Variants in POLB observed in about 807,000 individuals in gnomAD.
POLB encodes the protein DNA polymerase beta.
A neutral mutation model predicts 52.7 loss-of-function variants in POLB; 37 were observed. The ratio of observed to expected loss-of-function variants is 0.70; its 90% CI spans 0.54 to 0.92. The LOEUF is 0.92. POLB is among the 40% of genes least tolerant of loss of function. POLB has a pLI of 0.00. For missense variants in POLB, 313 were observed against 400.8 expected (o/e 0.78, Z 1.87); for synonymous variants, 138 against 131.3 (o/e 1.05, Z -0.35).
intron 5 of POLB, 34 bp from the exon 6 acceptor site, chr8:42,352,485 A>C (rs772091684): frequency 6.9e-7 from 1 of 1,456,652 alleles, no homozygotes; most frequent in South Asian, 1.1e-5. Flanking sequence ...CCCAAGTTTC[A>C]CCCAATGTTG....
At chr8:42,349,131 G>A (rs756806584) in intron 4 of POLB, 41 bp downstream of exon 4, 1 of 1,089,684 alleles carries the variant, frequency 9.2e-7, no homozygotes, top group South Asian at 1.3e-5. Flanking sequence ...TATAGTATCT[G>A]CCTTTATGGC....
At chr8:42,356,725 C>T (rs1823340300) in intron 7 of POLB, among the ~76,000 whole-genome samples, 7 of 152,104 alleles carry the variant, frequency 4.6e-5, no homozygotes, top group Admixed American at 4.6e-4. Context: ...TGACTGACTT[C>T]TTCCACTTAG....
At position 42,349,989 on chromosome 8, in the gene POLB, CT is replaced by C. The variant is rs748183535; in HGVS notation, c.262-8del. 7.1e-4 allele frequency: 1,013 copies of C among 1,417,854 alleles called. No homozygotes were observed. The highest frequency in any genetic ancestry group is 8.7e-4 in the Non-Finnish European group (892 of 1,023,608). The allele number at this position is 1,417,854 out of a possible 1,614,324, so 87.8% of individuals were successfully genotyped here. A position where few individuals can be genotyped will look rare whatever the true frequency, so the allele number is the denominator to read the frequency against. On this transcript the variant is annotated splice_polypyrimidine_tract_variant and intron_variant, in intron 4 of 13. Coordinates refer to ENST00000265421, the MANE Select transcript of POLB (RefSeq NM_002690.3). ...AAAGCATTCCTAAATCATTGTTAGACTTTTTTTTTTCTTAAAGATTCGGCAG... is the reference window on the plus strand; with the variant it reads ...AAAGCATTCCTAAATCATTGTTAGACTTTTTTTTTCTTAAAGATTCGGCAG...
At chr8:42,340,949 G>A (rs769096022) in intron 2 of POLB, among the ~76,000 whole-genome samples, 90 of 152,198 alleles carry the variant, frequency 5.9e-4, no homozygotes, top group Non-Finnish European at 7.9e-4. Context: ...GAAGCTCATC[G>A]GGATAAGTGA....
At chr8:42,349,836 C>G (rs897459348) in intron 4 of POLB, among the ~76,000 whole-genome samples, 171 bp from the exon 5 acceptor site, 2 of 152,152 alleles carry the variant, frequency 1.3e-5, no homozygotes, top group Non-Finnish European at 1.5e-5. Context: ...TTCAGTTACT[C>G]TGTTATTCAC....
At chr8:42,341,803 G>A in intron 2 of POLB, 1 of 511,140 alleles carries the variant, frequency 2.0e-6, no homozygotes, top group Non-Finnish European at 3.7e-6. Flanking sequence ...CCGTGGGGAA[G>A]CTTGCCTTCT....
intron 3 of POLB, among the ~76,000 whole-genome samples, chr8:42,345,731 A>G (rs1032160658): frequency 6.6e-6 from 1 of 152,116 alleles, no homozygotes; most frequent in Non-Finnish European, 1.5e-5. Flanking sequence ...CAGATTTTGG[A>G]CATTCTGGAA....
chr8:42,345,580 T>C (rs929437198), intron 3 of POLB, among the ~76,000 whole-genome samples: 23 of 152,346 alleles, frequency 1.5e-4, no homozygotes, highest in African/African-American at 5.1e-4. Flanking sequence ...TCTGAAATGC[T>C]TGGGAACAGA....
At chr8:42,368,001 C>T (rs1824148650) in intron 11 of POLB, among the ~76,000 whole-genome samples, 1 of 152,112 alleles carries the variant, frequency 6.6e-6, no homozygotes, top group Admixed American at 6.6e-5. Context: ...TATGAAGCTA[C>T]CCAAATGAAA....
chr8:42,367,214 T>C (rs1371278346), intron 11 of POLB, among the ~76,000 whole-genome samples: 1 of 152,140 alleles, frequency 6.6e-6, no homozygotes, highest in Non-Finnish European at 1.5e-5. Context: ...TTGAGGACTG[T>C]GGGAAGGGAC....
rs1372141318 is a variant in POLB, at chr8:42,361,370, C to G, written c.621+5C>G. ...ACTTCAGAATCAACCAAACAGGTGC[C>G]TCAGAGTTTATAATCAATGGTGATC... On this transcript the variant is annotated splice_donor_5th_base_variant and intron_variant, in intron 10 of 13. Coordinates refer to ENST00000265421, the MANE Select transcript of POLB (RefSeq NM_002690.3). 6.3e-7 allele frequency: 1 copy of G among 1,587,902 alleles called. No homozygotes were observed. The highest frequency in any genetic ancestry group is 2.2e-5 in the East Asian group (1 of 44,734).
rs745663987 is a variant in POLB, at chr8:42,338,702, G to T, written c.61+17G>T. ...TGCTCACAGGTTAGCACCGGGCCGG[G>T]CCCCGCTGGCTTTCTTCTTTCCTTC... On this transcript the variant is annotated intron_variant, in intron 1 of 13. Coordinates refer to ENST00000265421, the MANE Select transcript of POLB (RefSeq NM_002690.3). 1.3e-4 allele frequency: 216 copies of T among 1,611,946 alleles called. No individual in the cohort carries two copies. The highest frequency in any genetic ancestry group is 1.8e-4 in the Non-Finnish European group (210 of 1,178,080).
At chr8:42,367,724 TC>T (rs1390732195) in intron 11 of POLB, among the ~76,000 whole-genome samples, 6 of 152,200 alleles carry the variant, frequency 3.9e-5, no homozygotes, top group African/African-American at 1.4e-4. Context: ...CCATGGTTAT[TC>T]CAGATCATCT....
intron 9 of POLB, among the ~76,000 whole-genome samples, chr8:42,359,091 G>A (rs1161068798): frequency 6.6e-6 from 1 of 151,690 alleles, no homozygotes; most frequent in Admixed American, 6.6e-5. Flanking sequence ...CACATAAAAA[G>A]GTATACTCTA....
At chr8:42,357,486 G>A (rs1401959491) in intron 9 of POLB, 94 bp downstream of exon 9, 3 of 727,834 alleles carry the variant, frequency 4.1e-6, no homozygotes, top group Admixed American at 2.1e-5. Context: ...GTAATTTGTG[G>A]TACTTCATAG....
chr8:42,343,693 A>G (rs1404675556), intron 2 of POLB, among the ~76,000 whole-genome samples: 1 of 152,198 alleles, frequency 6.6e-6, no homozygotes, highest in Non-Finnish European at 1.5e-5. Context: ...CCATCCCTTG[A>G]GTATTATGTA....
chr8:42,355,765 C>G (rs2130818010), intron 7 of POLB, among the ~76,000 whole-genome samples, 198 bp downstream of exon 7: 1 of 152,312 alleles, frequency 6.6e-6, no homozygotes, highest in Middle Eastern at 3.4e-3. Flanking sequence ...TTCTAGTTTA[C>G]TTGTTTTGAG....
At chr8:42,343,683 C>T (rs191787047) in intron 2 of POLB, among the ~76,000 whole-genome samples, 7 of 152,190 alleles carry the variant, frequency 4.6e-5, no homozygotes, top group Admixed American at 1.3e-4. Context: ...GCTGGTCTCC[C>T]CATCCCTTGA....
At chr8:42,354,141 A>T in intron 6 of POLB, among the ~76,000 whole-genome samples, 1 of 152,156 alleles carries the variant, frequency 6.6e-6, no homozygotes, top group East Asian at 1.9e-4. Flanking sequence ...TGTGGTTTTT[A>T]TATTTCACAA....
Sources: gnomAD v4.1 joint callset for allele counts (sites outside exome capture counted in the v4.1 genomes callset) on GRCh38, gnomAD v4.1.1 for gene constraint, MANE v1.5 for transcripts, NCBI Gene and HGNC (gene_info 2026-07-23, HGNC 2026-07-21) for gene names.